The following DISC1 variants were observed in gnomAD, a reference collection of about 807,000 sequenced individuals.
DISC1 encodes DISC1 scaffold protein.
Under a neutral mutation model 84.5 loss-of-function variants are expected in DISC1, and 57 were observed. That is an observed-to-expected ratio of 0.67 (90% CI 0.55 to 0.84). DISC1 has a LOEUF of 0.84. Among genes scored for constraint, DISC1 ranks in the 40% least tolerant of loss-of-function variants. The pLI is 0.00. For synonymous variants in DISC1, 411 were observed against 415.2 expected (o/e 0.99, Z 0.12); for missense variants, 1,000 against 1,057.8 (o/e 0.95, Z 0.76).
Position 231,698,366 on chromosome 1 carries a change from A to G in DISC1, c.1047+3561A>G, listed in dbSNP as rs2065974885. On this transcript the variant is annotated intron_variant, in intron 2 of 12. Coordinates refer to ENST00000439617, the MANE Select transcript of DISC1 (RefSeq NM_018662.3). This position sits in a 1 kb window ranked among gnomAD's most constrained non-coding sequence, Gnocchi z 4.9. Reference sequence around the variant, plus strand: ...GCGAGATTTCCAGGGGTTGCATGGGACTGAGAAGATGGTAATAAAGGTAGT... The same window carrying G: ...GCGAGATTTCCAGGGGTTGCATGGGGCTGAGAAGATGGTAATAAAGGTAGT... Among the ~76,000 whole-genome samples the G allele has an allele frequency of 6.6e-6, 1 of 152,156 alleles. No homozygotes were observed. The highest frequency in any genetic ancestry group is 1.5e-5 in the Non-Finnish European group (1 of 68,030).
intron 9 of DISC1, among the ~76,000 whole-genome samples, chr1:231,832,560 C>A (rs1379126606): frequency 6.6e-6 from 1 of 151,582 alleles, no homozygotes; most frequent in East Asian, 2.0e-4. Context: ...GTAATGGGGG[C>A]TGTCTGTGAA....
chr1:231,766,436 G>GTGATT (rs1462465280), intron 4 of DISC1, among the ~76,000 whole-genome samples: 5 of 151,956 alleles, frequency 3.3e-5, no homozygotes, highest in African/African-American at 7.3e-5. Flanking sequence ...AAAATGTGAT[G>GTGATT]TGGGCTCTGC....
At chr1:231,881,256 C>T (rs2086272331) in intron 9 of DISC1, among the ~76,000 whole-genome samples, 2 of 152,168 alleles carry the variant, frequency 1.3e-5, no homozygotes, top group Admixed American at 1.3e-4. Context: ...AACCAAAGAC[C>T]ACAAACCGGG....
intron 9 of DISC1, among the ~76,000 whole-genome samples, chr1:231,850,240 T>C (rs1401231290): frequency 1.3e-5 from 2 of 152,200 alleles, no homozygotes; most frequent in Admixed American, 6.5e-5. Flanking sequence ...GCTGTCTTTA[T>C]TGTGTCCCCA....
At chr1:231,773,092 C>G (rs574915696) in intron 6 of DISC1, among the ~76,000 whole-genome samples, 42 of 152,306 alleles carry the variant, frequency 2.8e-4, no homozygotes, top group African/African-American at 9.6e-4. Flanking sequence ...GATGATGTAG[C>G]TAGTAAGAGA....
intron 12 of DISC1, among the ~76,000 whole-genome samples, chr1:232,034,158 C>T (rs181732818): frequency 1.3e-5 from 2 of 152,196 alleles, no homozygotes; most frequent in Non-Finnish European, 2.9e-5. Context: ...GATTATTACC[C>T]CTACAGGCTC....
rs1572425447 is a variant in DISC1, at chr1:231,642,967, C to T, written c.67+16033C>T. 2.0e-5 allele frequency among the ~76,000 whole-genome samples: 3 copies of T among 152,298 alleles called. No homozygotes were observed. In the East Asian group the frequency reaches 5.8e-4, roughly 29 times the overall value. ...AAAATGTACTCAACCTGAGCATGCA[C>T]TGGAACAGCAGAAGATGAGGACTTG... is the stretch of plus-strand genomic sequence containing the variant. On this transcript the variant is annotated intron_variant, in intron 1 of 12. Transcript: ENST00000439617.
At chr1:232,013,652 A>G (rs1461935124) in intron 11 of DISC1, among the ~76,000 whole-genome samples, 2 of 152,160 alleles carry the variant, frequency 1.3e-5, no homozygotes, top group South Asian at 2.1e-4. Flanking sequence ...AAGGAATGTG[A>G]TTGGACAAAA....
At chr1:231,767,036 A>G in intron 4 of DISC1, 104 bp from the exon 5 acceptor site, 1 of 1,492,716 alleles carries the variant, frequency 6.7e-7, no homozygotes, top group Non-Finnish European at 9.2e-7. Context: ...AAGTATGAGA[A>G]CAGATGGGGG....
chr1:231,982,672 C>T (rs964487222), intron 10 of DISC1, among the ~76,000 whole-genome samples: 6 of 151,804 alleles, frequency 4.0e-5, no homozygotes, highest in Admixed American at 3.9e-4. Flanking sequence ...TTCTGGAAAG[C>T]GACTTAGGGG....
intron 4 of DISC1, among the ~76,000 whole-genome samples, chr1:231,761,795 T>C (rs566339904): frequency 3.9e-5 from 6 of 152,318 alleles, no homozygotes; most frequent in Admixed American, 6.5e-5. Flanking sequence ...TATAAACGGC[T>C]TCTGGATTTT....
intron 4 of DISC1, among the ~76,000 whole-genome samples, chr1:231,752,870 A>G (rs11122328): frequency 1.3e-3 from 200 of 152,376 alleles, no homozygotes; most frequent in African/African-American, 4.4e-3. Flanking sequence ...CCCCATGCAA[A>G]TTGAAATGCA....
chr1:231,709,299 C>G (rs530844465), intron 3 of DISC1, among the ~76,000 whole-genome samples: 1 of 152,130 alleles, frequency 6.6e-6, no homozygotes, highest in African/African-American at 2.4e-5. Context: ...TGCACAGATG[C>G]GAAAGCTTAT....
intron 1 of DISC1, among the ~76,000 whole-genome samples, chr1:231,671,048 T>C (rs988923384): frequency 1.3e-5 from 2 of 152,204 alleles, no homozygotes; most frequent in Non-Finnish European, 2.9e-5. Flanking sequence ...CCAGCTTTAA[T>C]TTTGCCCTTT....
chr1:232,026,905 C>A (rs567800148), intron 12 of DISC1, among the ~76,000 whole-genome samples: 3 of 151,698 alleles, frequency 2.0e-5, no homozygotes, highest in African/African-American at 7.3e-5. Context: ...CCCGCCAGCA[C>A]GCCCAGCTAA....
intron 9 of DISC1, chr1:231,855,321 T>C (rs2084193371): frequency 4.2e-6 from 4 of 942,336 alleles, no homozygotes; most frequent in Non-Finnish European, 5.1e-6. Context: ...ATATATATAA[T>C]ACATACAATT....
intron 1 of DISC1, among the ~76,000 whole-genome samples, chr1:231,677,080 G>T (rs1479224320): frequency 1.3e-5 from 2 of 152,084 alleles, no homozygotes; most frequent in Non-Finnish European, 2.9e-5. Flanking sequence ...GTAACTCTAG[G>T]GTAAAATACA....
intron 1 of DISC1, among the ~76,000 whole-genome samples, chr1:231,641,408 C>T (rs891528314): frequency 1.3e-5 from 2 of 151,954 alleles, no homozygotes; most frequent in Non-Finnish European, 1.5e-5. Context: ...CGTCTGGAGT[C>T]GTTCGTTCCT....
intron 3 of DISC1, among the ~76,000 whole-genome samples, chr1:231,707,009 A>G (rs2124965871): frequency 6.6e-6 from 1 of 152,300 alleles, no homozygotes; most frequent in Admixed American, 6.5e-5. Context: ...ATAAGCGTTG[A>G]TGTGACTGAA....
Sources: allele counts gnomAD v4.1 joint callset (sites outside exome capture counted in the v4.1 genomes callset), GRCh38; gene constraint gnomAD v4.1.1; non-coding constraint Gnocchi (gnomAD v3.1); transcripts MANE v1.5; gene names NCBI Gene and HGNC (gene_info 2026-07-23, HGNC 2026-07-21).